Variants in BLK observed in about 807,000 individuals in gnomAD.
BLK encodes tyrosine-protein kinase Blk.
A neutral mutation model predicts 61.8 loss-of-function variants in BLK; 64 were observed. That is an observed-to-expected ratio of 1.03 (90% CI 0.85 to 1.27). The LOEUF (loss-of-function observed/expected upper bound fraction) is 1.27, where lower values mean the gene tolerates loss of function less well. Ranked by LOEUF, BLK falls within the 50% of genes most tolerant of loss-of-function variation. The pLI is 0.00. For missense variants in BLK, 853 were observed against 660.5 expected, an observed-to-expected ratio of 1.29 and a Z score of -3.19; for synonymous variants, 351 against 272.0, an observed-to-expected ratio of 1.29 and a Z score of -2.86.
chr8:11,520,714 A>G (rs1284500422), intron 1 of BLK, among the ~76,000 whole-genome samples: 1 of 152,048 alleles, frequency 6.6e-6, no homozygotes, highest in East Asian at 1.9e-4. Flanking sequence ...CCAGTGTAAT[A>G]CAACAAGAAA....
At chr8:11,529,685 T>G (rs1799810784) in intron 1 of BLK, among the ~76,000 whole-genome samples, 2 of 152,204 alleles carry the variant, frequency 1.3e-5, no homozygotes, top group South Asian at 4.1e-4. Flanking sequence ...GAATGCGCTG[T>G]TATTGTCTTC....
intron 1 of BLK, among the ~76,000 whole-genome samples, chr8:11,519,987 T>C (rs1030699500): frequency 2.0e-5 from 3 of 152,244 alleles, no homozygotes; most frequent in Non-Finnish European, 4.4e-5. Flanking sequence ...AATATTTTTC[T>C]GTAAAGAGCA....
intron 1 of BLK, among the ~76,000 whole-genome samples, chr8:11,519,323 T>C (rs1325557170): frequency 6.6e-6 from 1 of 152,248 alleles, no homozygotes; most frequent in Non-Finnish European, 1.5e-5. Flanking sequence ...GCAATTTGGC[T>C]GTCTAGACCA....
chr8:11,533,059 C>T (rs1308383591), intron 1 of BLK, among the ~76,000 whole-genome samples: 3 of 152,096 alleles, frequency 2.0e-5, no homozygotes, highest in Admixed American at 2.0e-4. Flanking sequence ...AGCCTTGAGT[C>T]AGAAGGTGTA....
chr8:11,518,793 G>C (rs1334012190), intron 1 of BLK, among the ~76,000 whole-genome samples: 1 of 152,086 alleles, frequency 6.6e-6, no homozygotes, highest in Non-Finnish European at 1.5e-5. Context: ...ACCATCCCTG[G>C]CTGCTCTGCT....
At chr8:11,559,392 G>GACACAC (rs1199793382) in intron 10 of BLK, among the ~76,000 whole-genome samples, 1 of 86,312 alleles carries the variant, frequency 1.2e-5, no homozygotes, top group Non-Finnish European at 2.8e-5. Flanking sequence ...CTCACACACA[G>GACACAC]ACAGACACAC....
chr8:11,505,089 A>G (rs1798719112), intron 1 of BLK, among the ~76,000 whole-genome samples: 1 of 152,202 alleles, frequency 6.6e-6, no homozygotes, highest in Non-Finnish European at 1.5e-5. Context: ...GACACAGAGG[A>G]ACACACAAAG....
At chr8:11,510,416 G>C (rs1433339403) in intron 1 of BLK, among the ~76,000 whole-genome samples, 1 of 152,104 alleles carries the variant, frequency 6.6e-6, no homozygotes, top group Non-Finnish European at 1.5e-5. Context: ...GGGTACATTT[G>C]TCCCATCATC....
chr8:11,517,639 T>C (rs1563432848), intron 1 of BLK, among the ~76,000 whole-genome samples: 1 of 152,190 alleles, frequency 6.6e-6, no homozygotes, highest in Non-Finnish European at 1.5e-5. Flanking sequence ...GGAAACAGCA[T>C]GTTGGGGGCC....
At chr8:11,508,740 G>C (rs1300545836) in intron 1 of BLK, among the ~76,000 whole-genome samples, 1 of 152,244 alleles carries the variant, frequency 6.6e-6, no homozygotes, top group African/African-American at 2.4e-5. Context: ...CCACTGTAGT[G>C]TCAGCTGTGT....
At chr8:11,555,703 C>G (rs1318009955) in intron 8 of BLK, 4 of 705,104 alleles carry the variant, frequency 5.7e-6, no homozygotes, top group African/African-American at 1.8e-5. Context: ...AGAGCAGGAA[C>G]AGAATCCAGC....
chr8:11,498,906 C>T (rs1798458032), intron 1 of BLK, among the ~76,000 whole-genome samples: 2 of 152,210 alleles, frequency 1.3e-5, no homozygotes, highest in Admixed American at 1.3e-4. Context: ...GTCAGAACCA[C>T]CAGGGGGTCC....
intron 1 of BLK, among the ~76,000 whole-genome samples, chr8:11,530,772 A>G (rs55740780): frequency 6.6e-6 from 1 of 152,224 alleles, no homozygotes; most frequent in East Asian, 1.9e-4. Flanking sequence ...CAGTTACTGA[A>G]TGTTTTGGTT....
chr8:11,541,139 T>A (rs1006144721), intron 1 of BLK, among the ~76,000 whole-genome samples: 1 of 152,032 alleles, frequency 6.6e-6, no homozygotes, highest in Non-Finnish European at 1.5e-5. Flanking sequence ...TGGTAGCACA[T>A]GCCTGTCATC....
Position 11,523,409 on chromosome 8 carries a change from C to A in BLK, c.-1-19815C>A, listed in dbSNP as rs543921314. ...TCTCTACTAAAAAGACAAAAATTAG[C>A]GAGCATGGTGGTGGGCGCCTGTAGT... On this transcript the variant is annotated intron_variant, in intron 1 of 12. Transcript: ENST00000259089. 3.3e-5 allele frequency among the ~76,000 whole-genome samples: 5 copies of A among 152,080 alleles called. No individual in the cohort carries two copies. The East Asian group carries it at 9.7e-4, about 29-fold the overall frequency.
chr8:11,557,797 G>C, intron 9 of BLK, 165 bp from the exon 10 acceptor site: 1 of 641,876 alleles, frequency 1.6e-6, no homozygotes, highest in Non-Finnish European at 2.9e-6. Flanking sequence ...TAAAGTGGAA[G>C]GCACTCGGCA....
chr8:11,519,354 C>T (rs971441040), intron 1 of BLK, among the ~76,000 whole-genome samples: 37 of 152,238 alleles, frequency 2.4e-4, no homozygotes, highest in African/African-American at 7.5e-4. Context: ...AACAGTTCCA[C>T]GGTATTGAAC....
chr8:11,558,340 C>T, intron 10 of BLK: 1 of 423,892 alleles, frequency 2.4e-6, no homozygotes, highest in Non-Finnish European at 4.5e-6. Context: ...GAATGAATGT[C>T]ATGGGAAACA....
chr8:11,546,363 A>G (rs911441018), intron 3 of BLK, among the ~76,000 whole-genome samples: 1 of 152,198 alleles, frequency 6.6e-6, no homozygotes, highest in Non-Finnish European at 1.5e-5. Flanking sequence ...AACAAAAACA[A>G]GAGTCCCAGG....
Sources: gnomAD v4.1 joint callset for allele counts (sites outside exome capture counted in the v4.1 genomes callset) on GRCh38, gnomAD v4.1.1 for gene constraint, MANE v1.5 for transcripts, NCBI Gene and HGNC (gene_info 2026-07-23, HGNC 2026-07-21) for gene names.